Variants in CD99 observed in about 807,000 individuals in gnomAD.
The protein encoded by CD99 is CD99 molecule (Xg blood group), also known as CD99 antigen.
In CD99, 19 loss-of-function variants were observed where a neutral mutation model predicts 28.4. The ratio of observed to expected loss-of-function variants is 0.67; its 90% CI spans 0.47 to 0.98. The LOEUF is 0.98. Ranked by LOEUF, CD99 falls within the 50% of genes least tolerant of loss-of-function variation. The probability of loss-of-function intolerance (pLI) is 0.00; values close to 1 mark genes in which losing one functional copy is unlikely to be tolerated. For synonymous variants in CD99, 103 were observed against 92.1 expected (o/e 1.12, Z -0.67); for missense variants, 283 against 248.8 (o/e 1.14, Z -0.92).
At chrX:2,723,779 G>A (rs1271151149) in intron 7 of CD99, among the ~76,000 whole-genome samples, 4 of 152,282 alleles carry the variant, frequency 2.6e-5, no homozygotes, top group Admixed American at 2.6e-4. Flanking sequence ...CTTCCACCCT[G>A]GCTGTAACAG....
intron 1 of CD99, among the ~76,000 whole-genome samples, chrX:2,698,175 T>C (rs1479406442): frequency 6.6e-6 from 1 of 151,458 alleles, no homozygotes; most frequent in Non-Finnish European, 1.5e-5. Context: ...ATCTTTTTTT[T>C]TCTTTGTTTC....
intron 8 of CD99, among the ~76,000 whole-genome samples, chrX:2,732,186 C>G (rs765657061): frequency 4.3e-4 from 65 of 152,228 alleles, no homozygotes; most frequent in Non-Finnish European, 7.8e-4. Flanking sequence ...CCTGTTGAAG[C>G]TGCTTCTCTC....
intron 2 of CD99, 177 bp from the exon 3 acceptor site, chrX:2,717,428 T>G: frequency 1.6e-6 from 1 of 613,348 alleles, no homozygotes. Context: ...TGTGTCTGTC[T>G]TCTGGGCTCA....
intron 1 of CD99, among the ~76,000 whole-genome samples, chrX:2,692,667 T>C (rs2047383190): frequency 8.3e-6 from 1 of 120,464 alleles, no homozygotes; most frequent in Non-Finnish European, 1.8e-5. Context: ...TCTTCCTAAA[T>C]GTCCTTCTTG....
chrX:2,716,561 G>T (rs2048731190), intron 2 of CD99, among the ~76,000 whole-genome samples: 1 of 152,104 alleles, frequency 6.6e-6, no homozygotes, highest in Non-Finnish European at 1.5e-5. Flanking sequence ...GTGGGATCTT[G>T]TCTCACTACA....
chrX:2,713,047 C>CA (rs1315450177), intron 1 of CD99, among the ~76,000 whole-genome samples: 1 of 151,830 alleles, frequency 6.6e-6, no homozygotes, highest in African/African-American at 2.4e-5. Flanking sequence ...CACACATGCA[C>CA]AAACACACCT....
At chrX:2,740,068 G>T (rs1238553176) in intron 9 of CD99, among the ~76,000 whole-genome samples, 1 of 151,608 alleles carries the variant, frequency 6.6e-6, no homozygotes, top group Non-Finnish European at 1.5e-5. Context: ...CTCCAGCCTG[G>T]GCAACAAGAG....
At chrX:2,737,227 G>A (rs1045417481) in intron 8 of CD99, among the ~76,000 whole-genome samples, 6 of 152,112 alleles carry the variant, frequency 3.9e-5, no homozygotes, top group African/African-American at 1.2e-4. Context: ...ACCCACGCTG[G>A]AGTGCAGTGC....
intron 1 of CD99, among the ~76,000 whole-genome samples, 200 bp from the exon 2 acceptor site, chrX:2,714,222 C>G (rs1021119738): frequency 1.3e-5 from 2 of 152,088 alleles, no homozygotes; most frequent in Non-Finnish European, 2.9e-5. Context: ...TTATTTAAAA[C>G]CTAGGCTAAC....
At chrX:2,700,657 A>T (rs762082316) in intron 1 of CD99, among the ~76,000 whole-genome samples, 105 of 149,674 alleles carry the variant, frequency 7.0e-4, no homozygotes, top group Middle Eastern at 7.2e-3. Flanking sequence ...TCATCTTTCC[A>T]TCCATGCATC....
In CD99 at chrX:2,717,608, A is replaced by G. The variant is rs1569439838; in HGVS notation, c.104A>G (p.Asn35Ser). Reference sequence around the variant, plus strand: ...CTGAAATATCTTATCTCTTTAGACAATGAAAACAAGAAACCCACTGCAATC... The same window carrying G: ...CTGAAATATCTTATCTCTTTAGACAGTGAAAACAAGAAACCCACTGCAATC... ...GFDLSDALPD[N>S]ENKKPTAIPK... is the part of the protein sequence containing the mutation. Residue 35 changes from asparagine to serine, a missense_variant, in exon 3 of 10, where the codon AAT (asparagine) becomes AGT (serine). Asn to Ser is a conservative substitution (Grantham distance 46). Transcript: ENST00000381192. The G allele has an allele frequency of 3.1e-6, 5 of 1,613,386 alleles. No individual in the cohort carries two copies. Among genetic ancestry groups the G allele is most frequent in the African/African-American group, 1.3e-5 (1 of 75,026 alleles).
chrX:2,709,247 C>T (rs923248581), intron 1 of CD99, among the ~76,000 whole-genome samples: 1 of 152,172 alleles, frequency 6.6e-6, no homozygotes, highest in Non-Finnish European at 1.5e-5. Context: ...TGCATGCACA[C>T]GTGTGCACCC....
intron 5 of CD99, among the ~76,000 whole-genome samples, chrX:2,720,928 G>C (rs978704943): frequency 9.9e-5 from 15 of 152,224 alleles, no homozygotes; most frequent in African/African-American, 2.6e-4. Flanking sequence ...GCCTGGACTA[G>C]TTTGCTACTT....
intron 1 of CD99, among the ~76,000 whole-genome samples, chrX:2,700,276 G>A (rs2047781917): frequency 6.6e-6 from 1 of 152,160 alleles, no homozygotes; most frequent in Non-Finnish European, 1.5e-5. Context: ...AATCCTGGTG[G>A]TGAACTTAGA....
At chrX:2,724,485 A>G (rs754712427) in intron 7 of CD99, among the ~76,000 whole-genome samples, 5 of 152,274 alleles carry the variant, frequency 3.3e-5, no homozygotes, top group African/African-American at 1.2e-4. Context: ...AATCTCTTCA[A>G]TGGCCAGGCA....
chrX:2,716,373 G>C (rs1189510899), intron 2 of CD99, among the ~76,000 whole-genome samples: 8 of 151,844 alleles, frequency 5.3e-5, no homozygotes. Context: ...GTCTCGCTGT[G>C]TTGCTCAGGT....
intron 5 of CD99, 32 bp from the exon 6 acceptor site, chrX:2,722,595 G>C: frequency 6.2e-7 from 1 of 1,611,430 alleles, no homozygotes; most frequent in Non-Finnish European, 8.5e-7. Flanking sequence ...GGAGTTCCAG[G>C]TTGACAGGTG....
Position 2,691,416 on chromosome X carries a change from T to G in CD99, c.56T>G (p.Val19Gly), listed in dbSNP as rs1439389316. Residue 19 changes from valine (V) to glycine (G), a missense_variant, in exon 1 of 10, where the codon GTC (valine) becomes GGC (glycine). By Grantham distance (109) the Val-to-Gly change is moderately radical. Transcript: ENST00000381192. ...CTCTTCGGCCTGCTGGGTGTTCTGG[T>G]CGCCGCCCCGGGTGAGCGAGCGGAG... ...LLLFGLLGVL[V>G]AAPDGGFDLS... The G allele has an allele frequency of 5.0e-6, 8 of 1,584,224 alleles. No homozygotes were observed. The highest frequency in any genetic ancestry group is 6.8e-6 in the Non-Finnish European group (8 of 1,174,348).
intron 1 of CD99, among the ~76,000 whole-genome samples, chrX:2,693,009 C>T (rs984576671): frequency 1.3e-5 from 2 of 152,104 alleles, no homozygotes; most frequent in Admixed American, 1.3e-4. Context: ...AGGGGCTTGG[C>T]TGGATTTTGA....
Sources: gnomAD v4.1 joint callset for allele counts (sites outside exome capture counted in the v4.1 genomes callset) on GRCh38, gnomAD v4.1.1 for gene constraint, MANE v1.5 for transcripts, NCBI Gene and HGNC (gene_info 2026-07-23, HGNC 2026-07-21) for gene names.